Variants in RBM19 observed in about 807,000 individuals in gnomAD.
The protein encoded by RBM19 is probable RNA-binding protein 19.
Under a neutral mutation model 116.8 loss-of-function variants are expected in RBM19, and 94 were observed. That is an observed-to-expected ratio of 0.80 (90% CI 0.68 to 0.95). The LOEUF (loss-of-function observed/expected upper bound fraction) is 0.95. RBM19 is among the 40% of genes least tolerant of loss of function. The pLI is 0.00. For synonymous variants in RBM19, 475 were observed against 494.1 expected, an observed-to-expected ratio of 0.96 and a Z score of 0.51; for missense variants, 1,161 against 1,220.7, an observed-to-expected ratio of 0.95 and a Z score of 0.73.
intron 17 of RBM19, among the ~76,000 whole-genome samples, chr12:113,926,397 T>C (rs1869074759): frequency 6.6e-6 from 1 of 152,222 alleles, no homozygotes; most frequent in African/African-American, 2.4e-5. Flanking sequence ...TGAGTGTTTA[T>C]TCTGTGCCAA....
At chr12:113,881,042 T>A (rs1395724464) in intron 21 of RBM19, among the ~76,000 whole-genome samples, 2 of 152,184 alleles carry the variant, frequency 1.3e-5, no homozygotes, top group African/African-American at 2.4e-5. Context: ...CTGAACACCA[T>A]CATCCCCTCA....
At chr12:113,958,194 T>A (rs1381255703) in intron 5 of RBM19, 144 bp from the exon 6 acceptor site, 5 of 1,451,868 alleles carry the variant, frequency 3.4e-6, no homozygotes, top group Non-Finnish European at 4.5e-6. Context: ...GCATCCCCCA[T>A]AAGTCCTCTG....
In RBM19 at chr12:113,933,273, C is replaced by A. The variant is rs141922744; in HGVS notation, c.2068+3734G>T. On this transcript the variant is annotated intron_variant, in intron 16 of 23. Coordinates refer to ENST00000261741, the MANE Select transcript of RBM19 (RefSeq NM_016196.4). ...CCAGGGCTTTGTGGGCTGGCTGAGT[C>A]CCCCCAGCCCTCGTTGTCCTCGTAC... Among the ~76,000 whole-genome samples the A allele has an allele frequency of 6.0e-4, 91 of 151,592 alleles. 1 individual carries two copies. Among genetic ancestry groups the A allele is most frequent in the African/African-American group, 1.6e-3 (66 of 41,318 alleles).
chr12:113,925,180 A>G (rs1389876767), intron 17 of RBM19, among the ~76,000 whole-genome samples: 1 of 152,194 alleles, frequency 6.6e-6, no homozygotes. Context: ...CTCCTTTGCT[A>G]GAATTTGAAA....
chr12:113,858,365 G>C (rs2135740498), intron 22 of RBM19, among the ~76,000 whole-genome samples: 1 of 152,354 alleles, frequency 6.6e-6, no homozygotes, highest in East Asian at 1.9e-4. Flanking sequence ...GGAAGGGGAA[G>C]ACGCATTCCC....
At chr12:113,912,938 C>T (rs142359371) in intron 21 of RBM19, among the ~76,000 whole-genome samples, 1 of 152,170 alleles carries the variant, frequency 6.6e-6, no homozygotes, top group African/African-American at 2.4e-5. Context: ...CCGGAGTGAA[C>T]AACAATAGCA....
intron 23 of RBM19, among the ~76,000 whole-genome samples, chr12:113,842,642 G>A (rs1876593392): frequency 6.6e-6 from 1 of 152,208 alleles, no homozygotes; most frequent in South Asian, 2.1e-4. Flanking sequence ...CGGGTCCAGA[G>A]AGGATAACAA....
downstream of RBM19, among the ~76,000 whole-genome samples, chr12:113,819,841 G>A (rs185407138): frequency 1.3e-5 from 2 of 152,192 alleles, no homozygotes; most frequent in Non-Finnish European, 1.5e-5. Context: ...GACTTTTCCC[G>A]AGCTCCGCTT....
At chr12:113,906,483 G>A (rs570529357) in intron 21 of RBM19, among the ~76,000 whole-genome samples, 6 of 152,308 alleles carry the variant, frequency 3.9e-5, no homozygotes, top group South Asian at 2.1e-4. Context: ...GGCAGGAGGC[G>A]CTGGGCAGGG....
At chr12:113,899,326 C>T (rs1013082293) in intron 21 of RBM19, among the ~76,000 whole-genome samples, 1 of 152,162 alleles carries the variant, frequency 6.6e-6, no homozygotes, top group Admixed American at 6.5e-5. Context: ...GAGGCAGGAG[C>T]CACAATAGAG....
In RBM19 at chr12:113,965,603, A is replaced by G. The variant is rs373984743; in HGVS notation, c.36+589T>C. Reference sequence around the variant, plus strand: ...AGCCCACCGCATCTAATCATCTAATATTACGTACATTCACCTATTTTGCCT... The same window carrying G: ...AGCCCACCGCATCTAATCATCTAATGTTACGTACATTCACCTATTTTGCCT... On this transcript the variant is annotated intron_variant, in intron 1 of 23. Coordinates refer to ENST00000261741, the MANE Select transcript of RBM19 (RefSeq NM_016196.4). 7.2e-5 allele frequency among the ~76,000 whole-genome samples: 11 copies of G among 152,238 alleles called. No individual in the cohort carries two copies. In the East Asian group the frequency reaches 1.7e-3, roughly 24 times the overall value.
intron 18 of RBM19, 71 bp from the exon 19 acceptor site, chr12:113,920,761 CG>C: frequency 2.1e-6 from 3 of 1,395,426 alleles, no homozygotes; most frequent in Non-Finnish European, 2.0e-6. Context: ...AGGGCTGTGA[CG>C]GGCCCCCAGA....
At chr12:113,929,694 G>C (rs1869434096) in intron 16 of RBM19, among the ~76,000 whole-genome samples, 1 of 152,200 alleles carries the variant, frequency 6.6e-6, no homozygotes, top group Non-Finnish European at 1.5e-5. Flanking sequence ...ACATCTTGGA[G>C]ATTAAAGGAG....
chr12:113,868,758 T>C (rs1043052045), intron 21 of RBM19, among the ~76,000 whole-genome samples: 2 of 152,200 alleles, frequency 1.3e-5, no homozygotes, highest in Admixed American at 6.5e-5. Flanking sequence ...GCACAAGGCC[T>C]TGGTCTTTAA....
chr12:113,863,776 T>C lies in RBM19; in HGVS notation c.2559-4880A>G, dbSNP rs541383941. On this transcript the variant is annotated intron_variant, in intron 21 of 23. Coordinates refer to ENST00000261741, the MANE Select transcript of RBM19 (RefSeq NM_016196.4). ...TGAACAAGATGAAGGGGTGGTTTCA[T>C]GATAAGAATAAACTACAAGCTTCTT... Among the ~76,000 whole-genome samples the C allele has an allele frequency of 1.2e-4, 18 of 152,322 alleles. No individual in the cohort carries two copies. In the South Asian group the frequency reaches 3.3e-3, roughly 28 times the overall value.
chr12:113,960,003 G>C, intron 3 of RBM19, 56 bp downstream of exon 3: 4 of 1,614,042 alleles, frequency 2.5e-6, no homozygotes, highest in Non-Finnish European at 3.4e-6. Flanking sequence ...GGAACCAAAA[G>C]TGAGTGACTA....
intron 21 of RBM19, among the ~76,000 whole-genome samples, chr12:113,875,812 G>A (rs947441559): frequency 6.6e-5 from 10 of 152,180 alleles, no homozygotes; most frequent in African/African-American, 2.4e-4. Context: ...CGTGTCTCTG[G>A]CGACGCACAA....
chr12:113,924,741 C>T lies in RBM19; in HGVS notation c.2261G>A (p.Gly754Glu). 6.4e-7 allele frequency: 1 copy of T among 1,551,472 alleles called. No individual in the cohort carries two copies. Among genetic ancestry groups the T allele is most frequent in the Non-Finnish European group, 8.9e-7 (1 of 1,123,130 alleles). Residue 754 changes from glycine to glutamate, a missense_variant, in exon 18 of 24, where the codon GGG (glycine) becomes GAG (glutamate). Transcript: ENST00000261741. ...GGAGATGGAGCAGCTCTTCACTGTC[C>T]CCACTTTTGAAAACACCTGGATAAG... is the stretch of plus-strand genomic sequence containing the variant. ...EKLKEVFSKV[G>E]TVKSCSISKK... is the part of the protein sequence containing the mutation.
intron 21 of RBM19, among the ~76,000 whole-genome samples, chr12:113,892,862 G>A (rs972017219): frequency 2.6e-5 from 4 of 151,990 alleles, no homozygotes; most frequent in African/African-American, 4.8e-5. Context: ...ATCCGTGTTC[G>A]GTGCAGGTAA....
Sources: gnomAD v4.1 joint callset for allele counts (sites outside exome capture counted in the v4.1 genomes callset) on GRCh38, gnomAD v4.1.1 for gene constraint, MANE v1.5 for transcripts, NCBI Gene and HGNC (gene_info 2026-07-23, HGNC 2026-07-21) for gene names.